Variants in NFIC observed in about 807,000 individuals in gnomAD.
NFIC encodes the protein nuclear factor I C.
A neutral mutation model predicts 54.4 loss-of-function variants in NFIC; 12 were observed. That is an observed-to-expected ratio of 0.22 (90% CI 0.14 to 0.36). NFIC has a LOEUF of 0.36. NFIC is among the 10% of genes least tolerant of loss of function. The pLI is 1.00. For synonymous variants in NFIC, 322 were observed against 319.2 expected (o/e 1.01, Z -0.09); for missense variants, 575 against 718.2 (o/e 0.80, Z 2.28).
rs149117424 is a variant in NFIC at position 3,454,487 on chromosome 19, G to A, written c.1423+571G>A. On this transcript the variant is annotated intron_variant, in intron 9 of 10. Coordinates refer to ENST00000443272, the MANE Select transcript of NFIC (RefSeq NM_001245002.2). ...CTGACCTGGAAGCCCCTGGGTTGGC[G>A]GCTGCTGCACCTTCTAGATTTTTCT... 335 of 156,062 alleles carry A rather than the reference G, an allele frequency of 2.1e-3. 3 individuals are homozygous for A. The highest frequency in any genetic ancestry group is 7.5e-3 in the African/African-American group (312 of 41,460). 9.7% of individuals were successfully genotyped at this position (156,062 alleles called of 1,614,324 possible).
At chr19:3,389,708 C>T (rs774844766) in intron 2 of NFIC, among the ~76,000 whole-genome samples, 21 of 152,126 alleles carry the variant, frequency 1.4e-4, no homozygotes, top group Non-Finnish European at 2.6e-4. Flanking sequence ...TCCGGCCGGG[C>T]GCAGTGGCTC....
rs2082691154 is a variant in NFIC, at chr19:3,464,588, C to G, written c.*1819C>G. On this transcript the variant is annotated 3_prime_UTR_variant, in exon 11 of 11. Coordinates refer to ENST00000443272, the MANE Select transcript of NFIC (RefSeq NM_001245002.2). ...GGGAAAAACTCCCCCCACCACTGCC[C>G]CCTCCCCCGACCCAGGCCAAAGCCA... 1 of 961,796 alleles carries G rather than the reference C, an allele frequency of 1.0e-6. No homozygotes were observed. The highest frequency in any genetic ancestry group is 6.2e-5 in the Admixed American group (1 of 16,098). The allele number at this position is 961,796 out of a possible 1,614,324, so 59.6% of individuals were successfully genotyped here.
intron 3 of NFIC, among the ~76,000 whole-genome samples, chr19:3,429,895 CG>C (rs1367021137): frequency 1.3e-5 from 2 of 152,180 alleles, no homozygotes; most frequent in African/African-American, 2.4e-5. Flanking sequence ...TCATCCCCAT[CG>C]GAGAAGCCAA....
intron 4 of NFIC, 118 bp downstream of exon 4, chr19:3,433,710 T>C: frequency 1.8e-6 from 2 of 1,135,066 alleles, no homozygotes; most frequent in Non-Finnish European, 2.5e-6. Context: ...CCTGTGTCAC[T>C]AAGCCAAGGT....
chr19:3,437,792 C>A (rs556748665), intron 6 of NFIC, among the ~76,000 whole-genome samples: 1 of 151,868 alleles, frequency 6.6e-6, no homozygotes, highest in African/African-American at 2.4e-5. Flanking sequence ...GATTCTCCTG[C>A]CTCAGCCTCC....
intron 3 of NFIC, among the ~76,000 whole-genome samples, chr19:3,432,667 GCTC>G (rs1429539570): frequency 1.4e-5 from 2 of 139,858 alleles, no homozygotes; most frequent in Non-Finnish European, 3.0e-5. Context: ...TCCGCTTTCC[GCTC>G]TTTTTTTTTT....
Position 3,366,599 on chromosome 19 carries a change from CCGCTCCGGCCGG to C in NFIC, c.-36_-25del, listed in dbSNP as rs2080889643. ...AAATGACTCAGTAAGTTCAGCGCGCCCGCTCCGGCCGGCCCTGCGCCTCCCGCCGCGCCCGGG... is the reference window on the plus strand; with the variant it reads ...AAATGACTCAGTAAGTTCAGCGCGCCCCCTGCGCCTCCCGCCGCGCCCGGG... On this transcript the variant is annotated 5_prime_UTR_variant, in exon 1 of 11. Transcript: ENST00000443272. 1 of 1,402,956 alleles carries C rather than the reference CCGCTCCGGCCGG, an allele frequency of 7.1e-7. No individual in the cohort carries two copies. The allele number at this position is 1,402,956 out of a possible 1,614,324, so 86.9% of individuals were successfully genotyped here. A position where few individuals can be genotyped will look rare whatever the true frequency, so the allele number is the denominator to read the frequency against.
At chr19:3,438,136 G>A (rs2082234116) in intron 6 of NFIC, among the ~76,000 whole-genome samples, 1 of 152,156 alleles carries the variant, frequency 6.6e-6, no homozygotes, top group South Asian at 2.1e-4. Context: ...TATTAGGAGA[G>A]GAGAAAGGTG....
intron 2 of NFIC, among the ~76,000 whole-genome samples, chr19:3,398,328 G>A (rs1289993976): frequency 6.6e-6 from 1 of 152,164 alleles, no homozygotes; most frequent in Non-Finnish European, 1.5e-5. Flanking sequence ...CACTTATTGA[G>A]CGCCAGCTGC....
At chr19:3,425,039 G>A (rs891147226) in intron 2 of NFIC, 67 bp from the exon 3 acceptor site, 12 of 1,558,888 alleles carry the variant, frequency 7.7e-6, no homozygotes, top group African/African-American at 4.1e-5. Flanking sequence ...CACCAGCATC[G>A]ACACTTCATC....
chr19:3,464,036 C>G lies in NFIC; in HGVS notation c.*1267C>G. The G allele has an allele frequency of 2.0e-6, 2 of 985,332 alleles. No homozygotes were observed. Among genetic ancestry groups the G allele is most frequent in the Middle Eastern group, 5.2e-4 (1 of 1,918 alleles). 61.0% of individuals were successfully genotyped at this position (985,332 alleles called of 1,614,324 possible). A position where few individuals can be genotyped will look rare whatever the true frequency, so the allele number is the denominator to read the frequency against. On this transcript the variant is annotated 3_prime_UTR_variant, in exon 11 of 11. Transcript: ENST00000443272. ...GGCGTCACTTCGCAAGCGTCCTGCC[C>G]TGCCGGGGCGCGGGGGTGGGCTCTG...
chr19:3,380,884 G>A (rs2081195105), intron 1 of NFIC, among the ~76,000 whole-genome samples: 1 of 151,828 alleles, frequency 6.6e-6, no homozygotes. Context: ...AAACTTCTGG[G>A]CTCAAGCAGT....
chr19:3,453,692 G>T lies in NFIC; in HGVS notation c.1270-71G>T. 1 of 1,517,886 alleles carries T rather than the reference G, an allele frequency of 6.6e-7. No individual in the cohort carries two copies. 94.0% of individuals were successfully genotyped at this position (1,517,886 alleles called of 1,614,324 possible). On this transcript the variant is annotated intron_variant, in intron 8 of 10. Transcript: ENST00000443272. The surrounding 1 kb of genome is among the most constrained non-coding windows in gnomAD (Gnocchi z 6.7). The stretch of plus-strand genomic sequence containing the variant: ...GTCCGGGCCGTGCACAGAGCCGGGG[G>T]CGGCCGGCGCCAGCAGCCCGAGGTA...
At chr19:3,448,744 A>G (rs775550278) in intron 6 of NFIC, among the ~76,000 whole-genome samples, 9 of 152,102 alleles carry the variant, frequency 5.9e-5, no homozygotes, top group Admixed American at 2.6e-4. Flanking sequence ...GAAGGAGAGT[A>G]GGCAAGGGCC....
At chr19:3,456,974 C>A in intron 10 of NFIC, 2 of 380,954 alleles carry the variant, frequency 5.2e-6, no homozygotes, top group Non-Finnish European at 1.0e-5. Flanking sequence ...CCCAGAGAGA[C>A]AAGGGGGTCT....
rs1460046824 is a variant in NFIC, at chr19:3,370,499, CTCTG to C, written c.30+3837_30+3840del. On this transcript the variant is annotated intron_variant, in intron 1 of 10. Transcript: ENST00000443272. This position sits in a 1 kb window ranked among gnomAD's most constrained non-coding sequence, Gnocchi z 5.2. ...CGTTCTCCTCTCTCTCTCTCTCTCT[CTCTG>C]TCTCCCTCCCTTTCTCCCCCCATCT... Among the ~76,000 whole-genome samples the C allele has an allele frequency of 6.6e-6, 1 of 151,766 alleles. No individual in the cohort carries two copies. Among genetic ancestry groups the C allele is most frequent in the Non-Finnish European group, 1.5e-5 (1 of 67,894 alleles).
chr19:3,465,506 T>C lies in NFIC; in HGVS notation c.*2737T>C, dbSNP rs1294496768. ...GCCACTGAAAACAATTGCCCCCAGG[T>C]CTACCCAGCCCCTGGCTGTCCTTGG... On this transcript the variant is annotated 3_prime_UTR_variant, in exon 11 of 11. Transcript: ENST00000443272. 6.9e-6 allele frequency: 1 copy of C among 145,522 alleles called. No individual in the cohort carries two copies. The allele number at this position is 145,522 out of a possible 1,614,324, so 9.0% of individuals were successfully genotyped here.
In NFIC at chr19:3,458,991, G is replaced by A. The variant is rs1013328617; in HGVS notation, c.1509+2356G>A. Reference sequence around the variant, plus strand: ...AAGAGCACCTGGGTTGAGGCCGGGCGCCGCCACCTCCCTGCAGACCCCGGA... The same window carrying A: ...AAGAGCACCTGGGTTGAGGCCGGGCACCGCCACCTCCCTGCAGACCCCGGA... On this transcript the variant is annotated intron_variant, in intron 10 of 10. Transcript: ENST00000443272. This position sits in a 1 kb window ranked among gnomAD's most constrained non-coding sequence, Gnocchi z 4.1. Among the ~76,000 whole-genome samples the A allele has an allele frequency of 1.1e-4, 17 of 152,072 alleles. No homozygotes were observed. The highest frequency in any genetic ancestry group is 6.5e-4 in the Admixed American group (10 of 15,282).
chr19:3,366,844 A>ACC (rs34678235), intron 1 of NFIC, among the ~76,000 whole-genome samples, 178 bp downstream of exon 1: 1 of 147,848 alleles, frequency 6.8e-6, no homozygotes, highest in African/African-American at 2.5e-5. Context: ...AGGCTGGGGT[A>ACC]CCCCCCCCAC....
Sources: allele counts gnomAD v4.1 joint callset (sites outside exome capture counted in the v4.1 genomes callset), GRCh38; gene constraint gnomAD v4.1.1; non-coding constraint Gnocchi (gnomAD v3.1); transcripts MANE v1.5; gene names NCBI Gene and HGNC (gene_info 2026-07-23, HGNC 2026-07-21).